TLK1: variants seen among roughly 807,000 people sequenced by gnomAD.
TLK1 encodes the protein serine/threonine-protein kinase tousled-like 1.
TLK1 carries 24 observed loss-of-function variants against 105.3 expected under a neutral mutation model. That is an observed-to-expected ratio of 0.23 (90% CI 0.17 to 0.32). The LOEUF (loss-of-function observed/expected upper bound fraction) is 0.32, where lower values mean the gene tolerates loss of function less well. Ranked by LOEUF, TLK1 falls within the 10% of genes least tolerant of loss-of-function variation. The pLI is 1.00. For missense variants in TLK1, 558 were observed against 910.5 expected, an observed-to-expected ratio of 0.61 and a Z score of 4.98; for synonymous variants, 321 against 310.4, an observed-to-expected ratio of 1.03 and a Z score of -0.36.
intron 1 of TLK1, among the ~76,000 whole-genome samples, chr2:171,179,791 C>G (rs768756944): frequency 6.6e-6 from 1 of 151,988 alleles, no homozygotes; most frequent in Non-Finnish European, 1.5e-5. Context: ...AACCCCGTCT[C>G]TACTAAAAAC....
intron 11 of TLK1, among the ~76,000 whole-genome samples, chr2:171,037,588 TTATC>T: frequency 6.6e-6 from 1 of 152,090 alleles, no homozygotes; most frequent in East Asian, 1.9e-4. Flanking sequence ...ATGTTGAATT[TTATC>T]TAATTTTTTA....
intron 3 of TLK1, among the ~76,000 whole-genome samples, chr2:171,063,444 G>GA (rs1687850326): frequency 6.6e-6 from 1 of 152,118 alleles, no homozygotes; most frequent in Admixed American, 6.5e-5. Flanking sequence ...AAAAAGCGAA[G>GA]AAAACATAAT....
chr2:171,185,762 T>C (rs1408719559), intron 1 of TLK1, among the ~76,000 whole-genome samples: 1 of 152,244 alleles, frequency 6.6e-6, no homozygotes, highest in African/African-American at 2.4e-5. Context: ...ATTGCACTTA[T>C]TGGTTTACTT....
At chr2:171,025,195 T>C (rs879851206) in intron 12 of TLK1, among the ~76,000 whole-genome samples, 1 of 152,226 alleles carries the variant, frequency 6.6e-6, no homozygotes, top group Non-Finnish European at 1.5e-5. Context: ...AAGAACAGCA[T>C]AAAATATGAA....
intron 1 of TLK1, among the ~76,000 whole-genome samples, chr2:171,178,071 T>C (rs1427807177): frequency 1.3e-5 from 2 of 152,236 alleles, no homozygotes; most frequent in Non-Finnish European, 2.9e-5. Flanking sequence ...GTGCTGGGAT[T>C]ACAGGCATGA....
At chr2:171,072,641 G>A (rs771813824) in intron 3 of TLK1, among the ~76,000 whole-genome samples, 6 of 152,134 alleles carry the variant, frequency 3.9e-5, no homozygotes, top group South Asian at 2.1e-4. Context: ...GGTGGTGGGC[G>A]CCTGTAATCC....
intron 1 of TLK1, among the ~76,000 whole-genome samples, chr2:171,167,164 C>A (rs183047744): frequency 6.6e-6 from 1 of 152,096 alleles, no homozygotes; most frequent in South Asian, 2.1e-4. Context: ...GGTGGGAGTA[C>A]GGAGGTATGT....
intron 1 of TLK1, among the ~76,000 whole-genome samples, chr2:171,221,408 T>C (rs10203397): frequency 0.27 from 41,359 of 152,088 alleles, 6,060 homozygotes; most frequent in South Asian, 0.41. Context: ...ATTGTGGTAC[T>C]GCCCTGCACC....
intron 2 of TLK1, among the ~76,000 whole-genome samples, chr2:171,113,993 A>G (rs1370312332): frequency 1.3e-5 from 2 of 152,194 alleles, no homozygotes; most frequent in Non-Finnish European, 2.9e-5. Context: ...AACAAAAATT[A>G]TATTTATTGT....
intron 6 of TLK1, 49 bp downstream of exon 6, chr2:171,056,422 A>T (rs749349529): frequency 1.3e-6 from 2 of 1,490,136 alleles, no homozygotes; most frequent in East Asian, 4.5e-5. Context: ...TATTCAGTGT[A>T]CATAACCCTC....
chr2:171,210,586 TA>T (rs1361337844), intron 1 of TLK1, among the ~76,000 whole-genome samples: 1 of 152,086 alleles, frequency 6.6e-6, no homozygotes, highest in Non-Finnish European at 1.5e-5. Context: ...AGCACCACAG[TA>T]AACAAAAACA....
At chr2:171,137,869 A>AAAAAAAT (rs1691395852) in intron 1 of TLK1, among the ~76,000 whole-genome samples, 1 of 151,650 alleles carries the variant, frequency 6.6e-6, no homozygotes, top group African/African-American at 2.4e-5. Flanking sequence ...AAAATAAAAT[A>AAAAAAAT]AAAAAGTAAA....
chr2:171,106,279 AG>A (rs1186765294), intron 2 of TLK1, among the ~76,000 whole-genome samples: 4 of 152,188 alleles, frequency 2.6e-5, no homozygotes, highest in Admixed American at 6.5e-5. Context: ...ATAGCACTAT[AG>A]GAAGACTATA....
intron 13 of TLK1, among the ~76,000 whole-genome samples, chr2:171,013,383 G>A (rs1377745861): frequency 3.0e-5 from 4 of 133,286 alleles, no homozygotes; most frequent in East Asian, 4.4e-4. Flanking sequence ...GCTGGACTGC[G>A]ATCTAGGCTC....
intron 3 of TLK1, 119 bp downstream of exon 3, chr2:171,082,662 A>G (rs1355118782): frequency 2.0e-5 from 16 of 803,888 alleles, no homozygotes; most frequent in East Asian, 5.1e-5. Flanking sequence ...ACATTCCTAT[A>G]AGAAACTTTA....
chr2:171,195,777 A>G (rs951354477), intron 1 of TLK1, among the ~76,000 whole-genome samples: 1 of 151,836 alleles, frequency 6.6e-6, no homozygotes, highest in Non-Finnish European at 1.5e-5. Context: ...GGCCAGAAGC[A>G]GTGGCTCACG....
chr2:170,993,677 A>G lies in TLK1; in HGVS notation c.*103T>C. 1.1e-6 allele frequency: 1 copy of G among 885,860 alleles called. No individual in the cohort carries two copies. The highest frequency in any genetic ancestry group is 1.7e-5 in the African/African-American group (1 of 57,716). 54.9% of individuals were successfully genotyped at this position (885,860 alleles called of 1,614,324 possible). On this transcript the variant is annotated 3_prime_UTR_variant, in exon 21 of 21. Coordinates refer to ENST00000431350, the MANE Select transcript of TLK1 (RefSeq NM_012290.5). The stretch of plus-strand genomic sequence containing the variant: ...TTAACCACGTCTTGTGTAAAAAAAA[A>G]AAAAAAAAAAAAAGAAAAAGAAAAC...
chr2:171,025,237 T>C (rs1450255173), intron 12 of TLK1, among the ~76,000 whole-genome samples: 1 of 152,212 alleles, frequency 6.6e-6, no homozygotes, highest in Non-Finnish European at 1.5e-5. Context: ...AAGGTAAATA[T>C]ACTTTTTCAT....
chr2:170,993,676 A>AAAAAAAAG lies in TLK1; in HGVS notation c.*103_*104insCTTTTTTT, dbSNP rs1683895906. 2 of 855,260 alleles carry AAAAAAAAG rather than the reference A, an allele frequency of 2.3e-6. No individual in the cohort carries two copies. 53.0% of individuals were successfully genotyped at this position (855,260 alleles called of 1,614,324 possible). ...CTTAACCACGTCTTGTGTAAAAAAA[A>AAAAAAAAG]AAAAAAAAAAAAAAGAAAAAGAAAA... On this transcript the variant is annotated 3_prime_UTR_variant, in exon 21 of 21. Coordinates refer to ENST00000431350, the MANE Select transcript of TLK1 (RefSeq NM_012290.5).
Sources: allele counts gnomAD v4.1 joint callset (sites outside exome capture counted in the v4.1 genomes callset), GRCh38; gene constraint gnomAD v4.1.1; transcripts MANE v1.5; gene names NCBI Gene and HGNC (gene_info 2026-07-23, HGNC 2026-07-21).